PRDM5: variants seen among roughly 807,000 people sequenced by gnomAD.
PRDM5 encodes PR domain zinc finger protein 5.
PRDM5 carries 56 observed loss-of-function variants against 81.2 expected under a neutral mutation model. The ratio of observed to expected loss-of-function variants is 0.69; its 90% CI spans 0.56 to 0.86. The LOEUF (loss-of-function observed/expected upper bound fraction) is 0.86. PRDM5 is among the 40% of genes least tolerant of loss of function. The pLI is 0.00. For synonymous variants in PRDM5, 267 were observed against 256.4 expected (o/e 1.04, Z -0.39); for missense variants, 697 against 770.1 (o/e 0.91, Z 1.12).
rs1262209055 is a variant in PRDM5, at chr4:120,695,091, T to C, written c.*20A>G. 6.2e-7 allele frequency: 1 copy of C among 1,607,774 alleles called. No individual in the cohort carries two copies. Among genetic ancestry groups the C allele is most frequent in the Admixed American group, 1.7e-5 (1 of 59,930 alleles). On this transcript the variant is annotated 3_prime_UTR_variant, in exon 16 of 16. Transcript: ENST00000264808. ...ATATTAGGAGCCCTTCTGAATAGTT[T>C]AATTCCTTTACAGCCCCTATTAGCT...
chr4:120,753,351 A>C (rs995196318), intron 14 of PRDM5, among the ~76,000 whole-genome samples: 18 of 152,314 alleles, frequency 1.2e-4, no homozygotes, highest in Non-Finnish European at 2.6e-4. Flanking sequence ...ATGGTTTATG[A>C]AGTACTTTTA....
intron 1 of PRDM5, among the ~76,000 whole-genome samples, chr4:120,915,641 A>G (rs1724060361): frequency 6.6e-6 from 1 of 152,176 alleles, no homozygotes; most frequent in Non-Finnish European, 1.5e-5. Flanking sequence ...TGACCCCAGT[A>G]AAGATCCACC....
At chr4:120,773,334 G>A (rs1161349625) in intron 13 of PRDM5, among the ~76,000 whole-genome samples, 1 of 152,078 alleles carries the variant, frequency 6.6e-6, no homozygotes, top group African/African-American at 2.4e-5. Flanking sequence ...AGGAATTATA[G>A]CAGTCAAACA....
At chr4:120,910,943 G>A (rs1490104974) in intron 1 of PRDM5, among the ~76,000 whole-genome samples, 11 of 152,140 alleles carry the variant, frequency 7.2e-5, no homozygotes, top group Admixed American at 7.2e-4. Context: ...AAAACTGTCC[G>A]CTCTTCCATT....
At chr4:120,709,366 T>C (rs1010244869) in intron 15 of PRDM5, among the ~76,000 whole-genome samples, 3 of 152,206 alleles carry the variant, frequency 2.0e-5, no homozygotes, top group Non-Finnish European at 2.9e-5. Flanking sequence ...CCTCTACAAC[T>C]GTTTCTTTCC....
intron 8 of PRDM5, among the ~76,000 whole-genome samples, chr4:120,806,220 C>T (rs966748358): frequency 1.2e-4 from 18 of 152,132 alleles, no homozygotes; most frequent in Admixed American, 5.2e-4. Flanking sequence ...AATGGAAGAA[C>T]GTTCCATGCT....
chr4:120,918,799 T>C (rs1724532594), intron 1 of PRDM5, among the ~76,000 whole-genome samples: 1 of 152,140 alleles, frequency 6.6e-6, no homozygotes. Flanking sequence ...CAAGACTCCC[T>C]GCAACTCTCT....
At position 120,699,164 on chromosome 4, in the gene PRDM5, AT is replaced by A. The variant is rs1309888042; in HGVS notation, c.1729-3890del. 1.2e-3 allele frequency among the ~76,000 whole-genome samples: 24 copies of A among 20,820 alleles called. 2 individuals carry two copies. The highest frequency in any genetic ancestry group is 3.9e-3 in the African/African-American group (23 of 5,876). The allele number at this position is 20,820 out of a possible 152,430, so 13.7% of individuals were successfully genotyped here. The stretch of plus-strand genomic sequence containing the variant: ...ATAGGCAATTATAGGAAATATAAAT[AT>A]ATATATATATATATATATATATATA... On this transcript the variant is annotated intron_variant, in intron 15 of 15. Transcript: ENST00000264808.
chr4:120,890,197 T>C (rs567136388), intron 2 of PRDM5, among the ~76,000 whole-genome samples: 96 of 152,146 alleles, frequency 6.3e-4, no homozygotes, highest in Non-Finnish European at 1.2e-3. Context: ...TCAGGAAATG[T>C]ACAATCATGG....
At chr4:120,806,497 A>G (rs1032372707) in intron 8 of PRDM5, among the ~76,000 whole-genome samples, 6 of 152,358 alleles carry the variant, frequency 3.9e-5, no homozygotes, top group African/African-American at 1.4e-4. Flanking sequence ...GTACAAAAAC[A>G]GATCTATAGA....
Position 120,816,684 on chromosome 4 carries a change from T to C in PRDM5, c.744-110A>G, listed in dbSNP as rs73843619. 1.6e-3 allele frequency: 2,440 copies of C among 1,557,674 alleles called. 33 individuals carry two copies. The African/African-American group carries it at 0.029, about 18-fold the overall frequency. On this transcript the variant is annotated intron_variant, in intron 6 of 15. Coordinates refer to ENST00000264808, the MANE Select transcript of PRDM5 (RefSeq NM_018699.4). ...CATGCTCCCTAGTAGAGTTTCGGGG[T>C]CATTCCATGCATTACCTATGCAGGT...
At chr4:120,815,630 C>G (rs1754384447) in intron 7 of PRDM5, among the ~76,000 whole-genome samples, 1 of 152,196 alleles carries the variant, frequency 6.6e-6, no homozygotes, top group Admixed American at 6.5e-5. Flanking sequence ...AAGAAATCCA[C>G]TTTCCCCCAC....
chr4:120,794,385 C>A (rs181761806), intron 10 of PRDM5, among the ~76,000 whole-genome samples: 261 of 151,956 alleles, frequency 1.7e-3, no homozygotes, highest in Non-Finnish European at 3.0e-3. Context: ...AGATTCTAAT[C>A]CATGATATTT....
chr4:120,775,803 C>A (rs1748066319), intron 13 of PRDM5, among the ~76,000 whole-genome samples: 1 of 152,120 alleles, frequency 6.6e-6, no homozygotes. Context: ...TGATTTCACC[C>A]TTGCCCTTAC....
At chr4:120,808,549 C>G (rs1311485292) in intron 8 of PRDM5, among the ~76,000 whole-genome samples, 1 of 152,152 alleles carries the variant, frequency 6.6e-6, no homozygotes, top group Non-Finnish European at 1.5e-5. Context: ...CTGGCTTCAC[C>G]CAGTGGATCC....
intron 8 of PRDM5, among the ~76,000 whole-genome samples, chr4:120,800,830 C>T (rs1752026775): frequency 6.6e-6 from 1 of 151,702 alleles, no homozygotes; most frequent in Admixed American, 6.6e-5. Flanking sequence ...CTTAAATATA[C>T]AGAATAAAAT....
chr4:120,907,323 A>C, intron 2 of PRDM5, 151 bp downstream of exon 2: 1 of 724,600 alleles, frequency 1.4e-6, no homozygotes, highest in Non-Finnish European at 2.3e-6. Flanking sequence ...AACAAGAGCA[A>C]ATCTCCATCT....
chr4:120,722,552 G>A (rs1465692147), intron 14 of PRDM5, among the ~76,000 whole-genome samples: 1 of 152,050 alleles, frequency 6.6e-6, no homozygotes, highest in Non-Finnish European at 1.5e-5. Context: ...CACCCGAAGA[G>A]CTTCAAAAAA....
intron 15 of PRDM5, among the ~76,000 whole-genome samples, chr4:120,703,743 G>T (rs998965482): frequency 6.6e-6 from 1 of 152,008 alleles, no homozygotes; most frequent in Non-Finnish European, 1.5e-5. Context: ...ACACACAAAA[G>T]GTTACCTAGG....
Sources: allele counts gnomAD v4.1 joint callset (sites outside exome capture counted in the v4.1 genomes callset), GRCh38; gene constraint gnomAD v4.1.1; transcripts MANE v1.5; gene names NCBI Gene and HGNC (gene_info 2026-07-23, HGNC 2026-07-21).